The following ANKDD1B variants were observed in gnomAD, a reference collection of about 807,000 sequenced individuals.
The protein encoded by ANKDD1B is ankyrin repeat and death domain-containing protein 1B.
A neutral mutation model predicts 59.7 loss-of-function variants in ANKDD1B; 57 were observed. The ratio of observed to expected loss-of-function variants is 0.95; its 90% CI spans 0.77 to 1.19. The LOEUF (loss-of-function observed/expected upper bound fraction) is 1.19, where lower values mean the gene tolerates loss of function less well. ANKDD1B is among the 50% of genes most tolerant of loss of function. The pLI is 0.00. For missense variants in ANKDD1B, 602 were observed against 641.9 expected (o/e 0.94, Z 0.67); for synonymous variants, 216 against 239.5 (o/e 0.90, Z 0.91).
chr5:75,633,756 G>T (rs1374266258), intron 5 of ANKDD1B, among the ~76,000 whole-genome samples: 2 of 152,208 alleles, frequency 1.3e-5, no homozygotes, highest in African/African-American at 4.8e-5. Context: ...CAGAATGCAT[G>T]TTGAAATTGG....
chr5:75,669,218 G>A, intron 12 of ANKDD1B, 34 bp from the exon 13 acceptor site: 1 of 1,231,804 alleles, frequency 8.1e-7, no homozygotes, highest in Non-Finnish European at 1.0e-6. Flanking sequence ...GCAGCTCGTG[G>A]TGTTTTACCT....
At chr5:75,655,941 A>G (rs1774962979) in intron 8 of ANKDD1B, 88 bp from the exon 9 acceptor site, 3 of 640,450 alleles carry the variant, frequency 4.7e-6, no homozygotes, top group South Asian at 3.8e-5. Context: ...GGAGATCATC[A>G]GGAAATAGCT....
At chr5:75,612,997 C>T (rs1336765012) in intron 1 of ANKDD1B, among the ~76,000 whole-genome samples, 1 of 152,184 alleles carries the variant, frequency 6.6e-6, no homozygotes, top group Non-Finnish European at 1.5e-5. Context: ...TACCAGACCT[C>T]TAGAGAAGAA....
intron 11 of ANKDD1B, among the ~76,000 whole-genome samples, chr5:75,665,858 C>T (rs752303519): frequency 1.3e-5 from 2 of 152,050 alleles, no homozygotes; most frequent in Non-Finnish European, 2.9e-5. Context: ...AGCCTGGATT[C>T]CCATCTTGTT....
intron 7 of ANKDD1B, among the ~76,000 whole-genome samples, chr5:75,640,442 A>G (rs185001822): frequency 6.6e-6 from 1 of 152,338 alleles, no homozygotes; most frequent in East Asian, 1.9e-4. Context: ...ACTGTGCCAA[A>G]GCATATAGTC....
rs1177383258 is a variant in ANKDD1B at position 75,620,207 on chromosome 5, A to G, written c.298-108A>G. 5 of 582,080 alleles carry G rather than the reference A, an allele frequency of 8.6e-6. No individual in the cohort carries two copies. The East Asian group carries it at 8.7e-5, about 10-fold the overall frequency. 36.1% of individuals were successfully genotyped at this position (582,080 alleles called of 1,614,324 possible). On this transcript the variant is annotated intron_variant, in intron 2 of 13. Coordinates refer to ENST00000601380, the MANE Select transcript of ANKDD1B (RefSeq NM_001276713.2). Reference sequence around the variant, plus strand: ...TAAAGGCAAAGAGTGGAGCCAAACAATCAAAATAGAAACACTTGATAGAAA... The same window carrying G: ...TAAAGGCAAAGAGTGGAGCCAAACAGTCAAAATAGAAACACTTGATAGAAA...
chr5:75,622,967 C>T (rs528217785), intron 3 of ANKDD1B, among the ~76,000 whole-genome samples: 11 of 152,092 alleles, frequency 7.2e-5, no homozygotes, highest in South Asian at 4.2e-4. Flanking sequence ...ATTTTATGAT[C>T]GGAGCTTCGA....
chr5:75,636,863 G>A (rs907650738), intron 7 of ANKDD1B, among the ~76,000 whole-genome samples: 1 of 152,080 alleles, frequency 6.6e-6, no homozygotes, highest in Non-Finnish European at 1.5e-5. Flanking sequence ...TGGGGGAGCA[G>A]GTGAGTGAGG....
chr5:75,626,033 T>G, intron 5 of ANKDD1B, 78 bp downstream of exon 5: 1 of 1,088,054 alleles, frequency 9.2e-7, no homozygotes, highest in Non-Finnish European at 1.3e-6. Flanking sequence ...GGTACAGCTG[T>G]GAAAGCAGCC....
At chr5:75,626,782 GT>G (rs57852660) in intron 5 of ANKDD1B, among the ~76,000 whole-genome samples, 40,359 of 146,436 alleles carry the variant, frequency 0.28, 5,796 homozygotes, top group South Asian at 0.44. Context: ...TCTAGGCCTT[GT>G]TTTTTTTTTT....
At chr5:75,618,383 G>A (rs1197902844) in intron 2 of ANKDD1B, among the ~76,000 whole-genome samples, 3 of 152,096 alleles carry the variant, frequency 2.0e-5, no homozygotes, top group Non-Finnish European at 4.4e-5. Context: ...ACAACTTTCT[G>A]TTATTTTAAA....
chr5:75,640,045 C>CT (rs764852636), intron 7 of ANKDD1B, among the ~76,000 whole-genome samples: 1,976 of 145,298 alleles, frequency 0.014, 44 homozygotes, highest in African/African-American at 0.045. Context: ...GATTATCTTT[C>CT]TTTTTTTTTT....
At chr5:75,626,799 G>GT (rs1774007944) in intron 5 of ANKDD1B, among the ~76,000 whole-genome samples, 1 of 149,152 alleles carries the variant, frequency 6.7e-6, no homozygotes, top group Admixed American at 6.7e-5. Flanking sequence ...TTTTTTGTTT[G>GT]TTTGTTTTGT....
chr5:75,644,111 A>G (rs1394237341), intron 7 of ANKDD1B, among the ~76,000 whole-genome samples: 1 of 109,484 alleles, frequency 9.1e-6, no homozygotes, highest in Admixed American at 8.7e-5. Context: ...TAAACATGGA[A>G]AGGAACAACT....
At chr5:75,663,170 C>G (rs1775204439) in intron 10 of ANKDD1B, among the ~76,000 whole-genome samples, 1 of 152,196 alleles carries the variant, frequency 6.6e-6, no homozygotes, top group African/African-American at 2.4e-5. Flanking sequence ...AGGAAATATT[C>G]AGGGTGGCAC....
In ANKDD1B at chr5:75,611,792, G is replaced by A. The variant is rs949617085; in HGVS notation, c.158G>A (p.Gly53Glu). 5.7e-6 allele frequency: 7 copies of A among 1,232,018 alleles called. No homozygotes were observed. Among genetic ancestry groups the A allele is most frequent in the African/African-American group, 1.6e-5 (1 of 64,438 alleles). 76.3% of individuals were successfully genotyped at this position (1,232,018 alleles called of 1,614,324 possible). The change falls in exon 1 of 14, where the codon GGA (glycine) becomes GAA (glutamate). Residue 53 changes from glycine to glutamate, a missense_variant. Transcript: ENST00000601380. ...CGGATCCCGAAGCGGGAGGGTCTTG[G>A]AGAGGAGGACACAGCAGTTGCCGGA... is the stretch of plus-strand genomic sequence containing the variant. ...LSRIPKREGL[G>E]EEDTAVAGHE...
At chr5:75,638,388 T>G (rs34342) in intron 7 of ANKDD1B, among the ~76,000 whole-genome samples, 128,029 of 152,122 alleles carry the variant, frequency 0.84, 54,223 homozygotes, top group African/African-American at 0.94. Context: ...TGTTTGTCCA[T>G]TTGTGGGCTG....
chr5:75,650,411 G>A (rs1457254940), intron 7 of ANKDD1B, among the ~76,000 whole-genome samples: 2 of 152,194 alleles, frequency 1.3e-5, no homozygotes. Flanking sequence ...TCTAAGACCT[G>A]TAAGAGACAA....
At chr5:75,621,859 G>A (rs1773856359) in intron 3 of ANKDD1B, among the ~76,000 whole-genome samples, 1 of 152,188 alleles carries the variant, frequency 6.6e-6, no homozygotes, top group African/African-American at 2.4e-5. Context: ...TCTGAAGCAT[G>A]ACTATTTCTC....
Sources: gnomAD v4.1 joint callset for allele counts (sites outside exome capture counted in the v4.1 genomes callset) on GRCh38, gnomAD v4.1.1 for gene constraint, MANE v1.5 for transcripts, NCBI Gene and HGNC (gene_info 2026-07-23, HGNC 2026-07-21) for gene names.